The following CNOT6L variants were observed in gnomAD, a reference collection of about 807,000 sequenced individuals.
CNOT6L encodes the protein CCR4-NOT transcription complex subunit 6-like.
In CNOT6L, 7 loss-of-function variants were observed where a neutral mutation model predicts 64.0. The observed-to-expected ratio is 0.11, with a 90% CI of 0.06 to 0.21. CNOT6L has a LOEUF of 0.21. Ranked by LOEUF, CNOT6L falls within the 10% of genes least tolerant of loss-of-function variation. The probability of loss-of-function intolerance (pLI) is 1.00; values close to 1 mark genes in which losing one functional copy is unlikely to be tolerated. For synonymous variants in CNOT6L, 193 were observed against 243.4 expected (o/e 0.79, Z 1.93); for missense variants, 245 against 669.0 (o/e 0.37, Z 6.99).
chr4:77,741,163 T>C (rs1234489915), intron 8 of CNOT6L, among the ~76,000 whole-genome samples: 1 of 152,240 alleles, frequency 6.6e-6, no homozygotes. Context: ...GGCTTTGTAC[T>C]AATTATTAAC....
chr4:77,759,039 A>G (rs1725874012), intron 4 of CNOT6L, among the ~76,000 whole-genome samples: 1 of 151,880 alleles, frequency 6.6e-6, no homozygotes, highest in Non-Finnish European at 1.5e-5. Context: ...CTACATCAAC[A>G]CCTACAGCAA....
intron 1 of CNOT6L, among the ~76,000 whole-genome samples, chr4:77,815,736 T>C (rs182532333): frequency 5.9e-5 from 9 of 152,252 alleles, no homozygotes; most frequent in East Asian, 1.9e-4. Flanking sequence ...TAAGAAATGG[T>C]CTTCAGGCAA....
chr4:77,743,005 C>T (rs1303107310), intron 7 of CNOT6L, among the ~76,000 whole-genome samples: 1 of 151,958 alleles, frequency 6.6e-6, no homozygotes, highest in Non-Finnish European at 1.5e-5. Context: ...CATCAATATA[C>T]GTTCATATAA....
chr4:77,781,527 T>C (rs974234768), intron 1 of CNOT6L, among the ~76,000 whole-genome samples: 82 of 152,190 alleles, frequency 5.4e-4, no homozygotes, highest in African/African-American at 1.9e-3. Flanking sequence ...CAATGAAAGG[T>C]ATATTTTAAA....
intron 3 of CNOT6L, among the ~76,000 whole-genome samples, chr4:77,773,603 C>T (rs1166577121): frequency 6.6e-6 from 1 of 152,128 alleles, no homozygotes; most frequent in Non-Finnish European, 1.5e-5. Flanking sequence ...AGTAGCCAAT[C>T]ACCGGTATCT....
chr4:77,776,229 T>A, intron 2 of CNOT6L, 42 bp downstream of exon 2: 1 of 1,585,376 alleles, frequency 6.3e-7, no homozygotes, highest in Non-Finnish European at 8.6e-7. Flanking sequence ...TTTTGTATTA[T>A]CACTATTACA....
In CNOT6L at chr4:77,715,632, G is replaced by A. The variant is rs1269464183; in HGVS notation, c.*4799C>T. On this transcript the variant is annotated 3_prime_UTR_variant, in exon 12 of 12. Coordinates refer to ENST00000504123, the MANE Select transcript of CNOT6L (RefSeq NM_144571.3). ...TTAATAGAGACATTTACATAAAAAAGGTATTTGGTTAAAACAAGAAATATG... is the reference window on the plus strand; with the variant it reads ...TTAATAGAGACATTTACATAAAAAAAGTATTTGGTTAAAACAAGAAATATG... 1 of 152,350 alleles carries A rather than the reference G, an allele frequency of 6.6e-6. No homozygotes were observed. The highest frequency in any genetic ancestry group is 2.4e-5 in the African/African-American group (1 of 41,408). 9.4% of individuals were successfully genotyped at this position (152,350 alleles called of 1,614,324 possible). A position where few individuals can be genotyped will look rare whatever the true frequency, so the allele number is the denominator to read the frequency against.
chr4:77,754,576 A>G (rs1725243839), intron 5 of CNOT6L, among the ~76,000 whole-genome samples: 1 of 152,148 alleles, frequency 6.6e-6, no homozygotes, highest in Non-Finnish European at 1.5e-5. Flanking sequence ...TAATAAAAAT[A>G]CAAGGTAAAA....
In CNOT6L at chr4:77,714,706, C is replaced by CAGT. The variant is rs1232608534; in HGVS notation, c.*5722_*5724dup. 6.6e-6 allele frequency: 1 copy of CAGT among 152,566 alleles called. No individual in the cohort carries two copies. Among genetic ancestry groups the CAGT allele is most frequent in the Non-Finnish European group, 1.5e-5 (1 of 68,028 alleles). 9.5% of individuals were successfully genotyped at this position (152,566 alleles called of 1,614,324 possible). On this transcript the variant is annotated 3_prime_UTR_variant, in exon 12 of 12. Transcript: ENST00000504123. Reference sequence around the variant, plus strand: ...CCTGAACAATTCCAGATCCAGTGTGCAGTAACACAGCCATCCAAATCCCTC... The same window carrying CAGT: ...CCTGAACAATTCCAGATCCAGTGTGCAGTAGTAACACAGCCATCCAAATCCCTC...
chr4:77,769,620 T>C (rs1263608532), intron 4 of CNOT6L, among the ~76,000 whole-genome samples: 1 of 152,188 alleles, frequency 6.6e-6, no homozygotes, highest in Non-Finnish European at 1.5e-5. Context: ...ATGAAAATTA[T>C]ATTTCCCAGT....
At position 77,773,127 on chromosome 4, in the gene CNOT6L, A is replaced by C. The variant is rs748555742; in HGVS notation, c.354T>G (p.Pro118=). ...GCTGGAAGAGCCGACCAAGTTCATA[A>C]GGCAAAACCCGTAACAGATTGTTAT... ...LLNNNLLRVL[P]YELGRLFQLQ... Residue 118 remains proline, a synonymous_variant, in exon 4 of 12, where the codon CCT becomes CCG. Coordinates refer to ENST00000504123, the MANE Select transcript of CNOT6L (RefSeq NM_144571.3). 8.7e-6 allele frequency: 14 copies of C among 1,601,584 alleles called. No homozygotes were observed. In the Admixed American group the frequency reaches 1.9e-4, roughly 22 times the overall value.
At chr4:77,742,757 C>CA (rs1446298838) in intron 7 of CNOT6L, among the ~76,000 whole-genome samples, 3 of 152,104 alleles carry the variant, frequency 2.0e-5, no homozygotes, top group Non-Finnish European at 2.9e-5. Flanking sequence ...AATCTATCCA[C>CA]AAAAAATTCT....
chr4:77,798,245 C>T (rs1257637823), intron 1 of CNOT6L, among the ~76,000 whole-genome samples: 1 of 152,144 alleles, frequency 6.6e-6, no homozygotes, highest in East Asian at 1.9e-4. Context: ...AGCCCAGAGG[C>T]TGCAGTGAGC....
At chr4:77,818,919 C>T (rs1354604536) in intron 1 of CNOT6L, 7 of 575,086 alleles carry the variant, frequency 1.2e-5, no homozygotes, top group Admixed American at 1.2e-4. Context: ...CGCTGCCGCG[C>T]GTGTGCCGCA....
At chr4:77,749,394 T>A (rs1220825906) in intron 5 of CNOT6L, among the ~76,000 whole-genome samples, 2 of 152,134 alleles carry the variant, frequency 1.3e-5, no homozygotes, top group Non-Finnish European at 2.9e-5. Context: ...CATGGCAGAG[T>A]CACAGCAAGT....
rs1450061275 is a variant in CNOT6L, at chr4:77,715,814, T to C, written c.*4617A>G. 6.6e-6 allele frequency: 1 copy of C among 152,538 alleles called. No homozygotes were observed. The highest frequency in any genetic ancestry group is 1.5e-5 in the Non-Finnish European group (1 of 67,988). 9.4% of individuals were successfully genotyped at this position (152,538 alleles called of 1,614,324 possible). ...TTATAAAGGTGAGCATATCATTCTA[T>C]AAAATGAAAGATGCTCTTGGCATCC... is the stretch of plus-strand genomic sequence containing the variant. On this transcript the variant is annotated 3_prime_UTR_variant, in exon 12 of 12. Transcript: ENST00000504123.
intron 7 of CNOT6L, 50 bp from the exon 8 acceptor site, chr4:77,742,345 T>G: frequency 6.7e-7 from 1 of 1,499,830 alleles, no homozygotes; most frequent in Non-Finnish European, 9.2e-7. Context: ...AAAATGCTGA[T>G]TAAGATATAA....
intron 11 of CNOT6L, among the ~76,000 whole-genome samples, chr4:77,723,860 T>C (rs1721551363): frequency 6.6e-6 from 1 of 152,226 alleles, no homozygotes; most frequent in African/African-American, 2.4e-5. Context: ...TTTGAAGGAC[T>C]GTCAGTAAAT....
intron 1 of CNOT6L, among the ~76,000 whole-genome samples, chr4:77,799,494 C>T (rs1300531302): frequency 6.6e-6 from 1 of 151,976 alleles, no homozygotes; most frequent in Non-Finnish European, 1.5e-5. Flanking sequence ...CACCTGAGGT[C>T]AAGAGTTCGA....
Sources: gnomAD v4.1 joint callset for allele counts (sites outside exome capture counted in the v4.1 genomes callset) on GRCh38, gnomAD v4.1.1 for gene constraint, MANE v1.5 for transcripts, NCBI Gene and HGNC (gene_info 2026-07-23, HGNC 2026-07-21) for gene names.